Variants in LIMD1 observed in about 807,000 individuals in gnomAD.
LIMD1 encodes the protein LIM domain-containing protein 1.
In LIMD1, 23 loss-of-function variants were observed where a neutral mutation model predicts 58.4. The observed-to-expected ratio is 0.39, with a 90% confidence interval of 0.28 to 0.56. The LOEUF is 0.56. LIMD1 is among the 20% of genes least tolerant of loss of function. LIMD1 has a pLI of 0.57. For synonymous variants in LIMD1, 334 were observed against 345.5 expected (o/e 0.97, Z 0.37); for missense variants, 838 against 855.5 (o/e 0.98, Z 0.25).
chr3:45,628,007 CAA>C (rs56711723), intron 1 of LIMD1, among the ~76,000 whole-genome samples: 2 of 111,604 alleles, frequency 1.8e-5, no homozygotes. Context: ...GACCCCATCT[CAA>C]AAAAAAAAAA....
chr3:45,627,612 G>A (rs1438659937), intron 1 of LIMD1, among the ~76,000 whole-genome samples: 1 of 148,884 alleles, frequency 6.7e-6, no homozygotes, highest in Non-Finnish European at 1.5e-5. Flanking sequence ...TCAACATAGC[G>A]AGAACCCGTC....
At chr3:45,635,732 CAAAAAAAAAAAAA>C (rs71095045) in intron 1 of LIMD1, among the ~76,000 whole-genome samples, 105 of 73,786 alleles carry the variant, frequency 1.4e-3, no homozygotes, top group East Asian at 8.3e-3. Flanking sequence ...ATCCCCGTCT[CAAAAAAAAAAAAA>C]AAAAAAAAAA....
intron 2 of LIMD1, among the ~76,000 whole-genome samples, chr3:45,647,196 T>A (rs936313396): frequency 3.3e-5 from 5 of 152,248 alleles, no homozygotes; most frequent in Admixed American, 3.3e-4. Context: ...TTTTATGCCC[T>A]GCTTTTTCCA....
At chr3:45,633,473 T>TG (rs2125657668) in intron 1 of LIMD1, among the ~76,000 whole-genome samples, 1 of 152,282 alleles carries the variant, frequency 6.6e-6, no homozygotes, top group South Asian at 2.1e-4. Flanking sequence ...CTGAAGTGTT[T>TG]GGGGTGAAGT....
In LIMD1 at chr3:45,681,108, G is replaced by A. The variant is rs1258707264; in HGVS notation, c.*4049G>A. 1 of 151,858 alleles carries A rather than the reference G, an allele frequency of 6.6e-6. No homozygotes were observed. The highest frequency in any genetic ancestry group is 1.5e-5 in the Non-Finnish European group (1 of 67,984). The allele number at this position is 151,858 out of a possible 1,614,324, so 9.4% of individuals were successfully genotyped here. A position where few individuals can be genotyped will look rare whatever the true frequency, so the allele number is the denominator to read the frequency against. On this transcript the variant is annotated 3_prime_UTR_variant, in exon 8 of 8. Transcript: ENST00000273317. Reference sequence around the variant, plus strand: ...CAGATGTGGGAAATCTTCATATAGTGTATGAAAATTTCATTGTACAGGGAA... The same window carrying A: ...CAGATGTGGGAAATCTTCATATAGTATATGAAAATTTCATTGTACAGGGAA...
intron 4 of LIMD1, among the ~76,000 whole-genome samples, chr3:45,669,631 A>G (rs1208287457): frequency 2.6e-5 from 4 of 152,244 alleles, no homozygotes; most frequent in Non-Finnish European, 5.9e-5. Context: ...CTATTGCCAG[A>G]AATTCATTTT....
At chr3:45,604,236 C>T (rs1303640270) in intron 1 of LIMD1, among the ~76,000 whole-genome samples, 1 of 152,104 alleles carries the variant, frequency 6.6e-6, no homozygotes, top group Admixed American at 6.5e-5. Flanking sequence ...GGAAGCTCGC[C>T]CTGTAACAGC....
chr3:45,675,662 T>C (rs1697657443), intron 7 of LIMD1, among the ~76,000 whole-genome samples: 1 of 151,684 alleles, frequency 6.6e-6, no homozygotes, highest in South Asian at 2.1e-4. Context: ...AGTTTTCTGG[T>C]AGTCACAATT....
At chr3:45,636,512 A>G (rs1701790944) in intron 2 of LIMD1, among the ~76,000 whole-genome samples, 1 of 152,190 alleles carries the variant, frequency 6.6e-6, no homozygotes, top group Non-Finnish European at 1.5e-5. Flanking sequence ...ATCCCTAATC[A>G]CATCAGGTTT....
Position 45,622,709 on chromosome 3 carries a change from C to T in LIMD1, c.1409-13441C>T, listed in dbSNP as rs1194082465. On this transcript the variant is annotated intron_variant, in intron 1 of 7. Transcript: ENST00000273317. ...TTTTAAACAGAGTCTCATGCTGTCA[C>T]CCAGGCTGGATTGCAGTGGCATGAT... 2.0e-5 allele frequency among the ~76,000 whole-genome samples: 3 copies of T among 151,414 alleles called. No individual in the cohort carries two copies. The East Asian group carries it at 5.8e-4, about 29-fold the overall frequency.
intron 1 of LIMD1, among the ~76,000 whole-genome samples, chr3:45,609,138 C>G (rs917630817): frequency 1.3e-5 from 2 of 152,122 alleles, no homozygotes; most frequent in African/African-American, 4.8e-5. Context: ...TTCACCAGAC[C>G]TTGATTACCT....
intron 2 of LIMD1, among the ~76,000 whole-genome samples, chr3:45,655,839 G>A (rs1460731036): frequency 1.3e-5 from 2 of 152,184 alleles, no homozygotes; most frequent in African/African-American, 4.8e-5. Flanking sequence ...AGTCAGTGAG[G>A]ACAGTGAAAT....
At chr3:45,611,462 A>C (rs1201852205) in intron 1 of LIMD1, among the ~76,000 whole-genome samples, 1 of 152,250 alleles carries the variant, frequency 6.6e-6, no homozygotes, top group Admixed American at 6.5e-5. Context: ...TAGCAAGTAC[A>C]GGCAGAAAGC....
At chr3:45,643,573 C>T (rs865791576) in intron 2 of LIMD1, among the ~76,000 whole-genome samples, 1 of 152,098 alleles carries the variant, frequency 6.6e-6, no homozygotes, top group African/African-American at 2.4e-5. Flanking sequence ...AAAACTAAGA[C>T]GTTCATTTCA....
At chr3:45,622,349 A>G (rs985722894) in intron 1 of LIMD1, among the ~76,000 whole-genome samples, 18 of 152,290 alleles carry the variant, frequency 1.2e-4, no homozygotes, top group Non-Finnish European at 2.4e-4. Flanking sequence ...GATATAGTCC[A>G]AGACCCCCAG....
chr3:45,664,775 G>T (rs1697490174), intron 2 of LIMD1, among the ~76,000 whole-genome samples: 2 of 152,220 alleles, frequency 1.3e-5, no homozygotes, highest in African/African-American at 4.8e-5. Flanking sequence ...CACTGTTTGT[G>T]ACAATGATGA....
chr3:45,617,987 C>A (rs1464761115), intron 1 of LIMD1, among the ~76,000 whole-genome samples: 51 of 152,094 alleles, frequency 3.4e-4, no homozygotes, highest in Admixed American at 3.3e-3. Flanking sequence ...GAGGAGAATT[C>A]GGGATTTTAT....
intron 1 of LIMD1, among the ~76,000 whole-genome samples, chr3:45,604,429 A>G (rs953139175): frequency 3.3e-5 from 5 of 152,298 alleles, no homozygotes; most frequent in African/African-American, 1.2e-4. Context: ...TCATTTAGAT[A>G]GGTTCATCTT....
At chr3:45,667,728 C>A (rs78788192) in intron 3 of LIMD1, among the ~76,000 whole-genome samples, 46 of 151,872 alleles carry the variant, frequency 3.0e-4, no homozygotes, top group Non-Finnish European at 5.6e-4. Flanking sequence ...TGTCCTTACC[C>A]TTTGTTGGCT....
Sources: gnomAD v4.1 joint callset for allele counts (sites outside exome capture counted in the v4.1 genomes callset) on GRCh38, gnomAD v4.1.1 for gene constraint, MANE v1.5 for transcripts, NCBI Gene and HGNC (gene_info 2026-07-23, HGNC 2026-07-21) for gene names.